NRG1: variants seen among roughly 807,000 people sequenced by gnomAD.
NRG1 encodes the protein pro-neuregulin-1, membrane-bound isoform.
Under a neutral mutation model 63.8 loss-of-function variants are expected in NRG1, and 18 were observed. That is an observed-to-expected ratio of 0.28 (90% CI 0.19 to 0.42). The LOEUF is 0.42. Ranked by LOEUF, NRG1 falls within the 10% of genes least tolerant of loss-of-function variation. NRG1 has a pLI of 1.00. For synonymous variants in NRG1, 302 were observed against 301.3 expected, an observed-to-expected ratio of 1.00 and a Z score of -0.02; for missense variants, 762 against 814.7, an observed-to-expected ratio of 0.94 and a Z score of 0.79.
At chr8:31,961,507 T>G (rs1490057049) in intron 1 of NRG1, among the ~76,000 whole-genome samples, 1 of 152,190 alleles carries the variant, frequency 6.6e-6, no homozygotes. Context: ...TTGTTAGAAT[T>G]TTTATAAAAG....
At chr8:31,835,211 G>A (rs758859205) in intron 1 of NRG1, among the ~76,000 whole-genome samples, 8 of 152,150 alleles carry the variant, frequency 5.3e-5, no homozygotes, top group East Asian at 1.9e-4. Context: ...AACAGGACTC[G>A]TTGCATAACT....
intron 1 of NRG1, among the ~76,000 whole-genome samples, chr8:32,185,467 C>T (rs1041413710): frequency 1.3e-5 from 2 of 152,060 alleles, no homozygotes; most frequent in Admixed American, 6.6e-5. Flanking sequence ...AGGGGCTAGA[C>T]CAAAGCTAAA....
rs1017791866 is a variant in NRG1, at chr8:32,742,385, A to G, written c.633-290A>G. Among the ~76,000 whole-genome samples the G allele has an allele frequency of 3.3e-5, 5 of 152,154 alleles. No homozygotes were observed. The highest frequency in any genetic ancestry group is 1.2e-4 in the African/African-American group (5 of 41,440). The stretch of plus-strand genomic sequence containing the variant: ...GCCATCATATGGAAAACTGAGATGA[A>G]TAAAACATCGGATTTCATTTTAAGG... On this transcript the variant is annotated intron_variant, in intron 6 of 11. Coordinates refer to ENST00000356819, the Ensembl canonical transcript of NRG1. This position sits in a 1 kb window ranked among gnomAD's most constrained non-coding sequence, Gnocchi z 4.2.
chr8:31,921,581 G>C (rs1833924238), intron 1 of NRG1, among the ~76,000 whole-genome samples: 1 of 152,052 alleles, frequency 6.6e-6, no homozygotes, highest in Admixed American at 6.6e-5. Context: ...CCTTCCCTCT[G>C]ACCTCTGTGT....
At chr8:32,327,328 A>G (rs1802134914) in intron 1 of NRG1, among the ~76,000 whole-genome samples, 1 of 152,240 alleles carries the variant, frequency 6.6e-6, no homozygotes, top group African/African-American at 2.4e-5. Flanking sequence ...TGACTTGCAT[A>G]ACTGAATATA....
Position 32,054,863 on chromosome 8 carries a change from C to CTTTTTTTTTTT in NRG1, c.37+415465_37+415475dup, listed in dbSNP as rs543522972. Reference sequence around the variant, plus strand: ...CCTTGAAAAGCAGATTTCTTTCTTTCTTTTTTTTTTTTTTTTTTTTTTTTT... The same window carrying CTTTTTTTTTTT: ...CCTTGAAAAGCAGATTTCTTTCTTTCTTTTTTTTTTTTTTTTTTTTTTTTTTTTTTTTTTTT... On this transcript the variant is annotated intron_variant, in intron 1 of 10. Transcript: ENST00000519301. 2.2e-4 allele frequency among the ~76,000 whole-genome samples: 14 copies of CTTTTTTTTTTT among 64,024 alleles called. 3 individuals carry two copies. The highest frequency in any genetic ancestry group is 7.3e-4 in the African/African-American group (12 of 16,422). The allele number at this position is 64,024 out of a possible 152,430, so 42.0% of individuals were successfully genotyped here. A position where few individuals can be genotyped will look rare whatever the true frequency, so the allele number is the denominator to read the frequency against.
At chr8:32,075,743 G>A (rs573360937) in intron 1 of NRG1, among the ~76,000 whole-genome samples, 1 of 140,506 alleles carries the variant, frequency 7.1e-6, no homozygotes, top group African/African-American at 2.7e-5. Flanking sequence ...TGCAATCTCA[G>A]CTCACTGCAA....
chr8:32,642,941 T>C (rs1852710793), intron 5 of NRG1, among the ~76,000 whole-genome samples: 1 of 152,186 alleles, frequency 6.6e-6, no homozygotes, highest in Non-Finnish European at 1.5e-5. Context: ...ATAAAGTAAA[T>C]AAAAGTAAAG....
intron 1 of NRG1, among the ~76,000 whole-genome samples, chr8:32,272,236 G>T (rs189382244): frequency 3.3e-5 from 5 of 152,244 alleles, no homozygotes; most frequent in Admixed American, 2.6e-4. Context: ...TTTCTTCTTG[G>T]CTTGCAGATG....
Position 32,760,414 on chromosome 8 carries a change from C to A in NRG1, c.1259+8C>A. 1 of 1,612,948 alleles carries A rather than the reference C, an allele frequency of 6.2e-7. No individual in the cohort carries two copies. Among genetic ancestry groups the A allele is most frequent in the South Asian group, 1.1e-5 (1 of 91,000 alleles). On this transcript the variant is annotated splice_region_variant and intron_variant, in intron 11 of 11. Coordinates refer to ENST00000356819, the Ensembl canonical transcript of NRG1. ...CTCTCCTCATAGTGAAAGGTAAAAC[C>A]GAAGGGCAAAGCTACTGCAGAGGAG...
chr8:32,328,855 C>T (rs1802310361), intron 1 of NRG1, among the ~76,000 whole-genome samples: 1 of 152,192 alleles, frequency 6.6e-6, no homozygotes, highest in Non-Finnish European at 1.5e-5. Flanking sequence ...AATTCACCAT[C>T]TGCTGGCTGA....
chr8:32,041,458 A>AAGAC (rs1820025007), intron 1 of NRG1, among the ~76,000 whole-genome samples: 1 of 152,202 alleles, frequency 6.6e-6, no homozygotes, highest in African/African-American at 2.4e-5. Context: ...CGGACTGAGA[A>AAGAC]AGACCAGACC....
intron 1 of NRG1, among the ~76,000 whole-genome samples, chr8:31,777,432 G>C (rs1044857702): frequency 6.6e-6 from 1 of 152,202 alleles, no homozygotes; most frequent in Non-Finnish European, 1.5e-5. Context: ...CACAGAGTTG[G>C]GCATGCGTGG....
rs1328668332 is a variant in NRG1, at chr8:32,319,365, C to T, written c.38-276463C>T. Among the ~76,000 whole-genome samples, 3 of 152,260 alleles carry T rather than the reference C, an allele frequency of 2.0e-5. No homozygotes were observed. The East Asian group carries it at 5.8e-4, about 29-fold the overall frequency. On this transcript the variant is annotated intron_variant, in intron 1 of 10. Transcript: ENST00000519301. Reference sequence around the variant, plus strand: ...CACCTTAAATTTGCCCAATAAGACTCAGCTTGGAAATCATTCTTGGGATGC... The same window carrying T: ...CACCTTAAATTTGCCCAATAAGACTTAGCTTGGAAATCATTCTTGGGATGC...
intron 1 of NRG1, among the ~76,000 whole-genome samples, chr8:31,969,262 G>A (rs1047566489): frequency 6.6e-6 from 1 of 152,090 alleles, no homozygotes; most frequent in Non-Finnish European, 1.5e-5. Flanking sequence ...TTGTTACGTT[G>A]CATGATAACC....
chr8:31,926,298 G>T (rs1357387206), intron 1 of NRG1, among the ~76,000 whole-genome samples: 2 of 151,868 alleles, frequency 1.3e-5, no homozygotes, highest in Non-Finnish European at 1.5e-5. Flanking sequence ...TTAAACTATG[G>T]AAAGCTCTGA....
intron 1 of NRG1, among the ~76,000 whole-genome samples, chr8:32,431,303 A>G (rs1283217738): frequency 6.6e-6 from 1 of 152,142 alleles, no homozygotes; most frequent in Non-Finnish European, 1.5e-5. Context: ...GGCAGTGCTT[A>G]CTCTAGCAAA....
intron 1 of NRG1, among the ~76,000 whole-genome samples, chr8:31,823,290 G>A (rs527987873): frequency 3.3e-5 from 5 of 152,124 alleles, no homozygotes; most frequent in African/African-American, 9.6e-5. Flanking sequence ...GCAGTTTACT[G>A]CTACTGCTAT....
intron 1 of NRG1, among the ~76,000 whole-genome samples, chr8:31,964,050 G>C (rs886351421): frequency 1.8e-4 from 28 of 152,106 alleles, no homozygotes; most frequent in African/African-American, 6.5e-4. Flanking sequence ...TAAATGTGAG[G>C]TAGATGACAC....
Sources: gnomAD v4.1 joint callset for allele counts (sites outside exome capture counted in the v4.1 genomes callset) on GRCh38, gnomAD v4.1.1 for gene constraint, Gnocchi (gnomAD v3.1) non-coding constraint, MANE v1.5 for transcripts, NCBI Gene and HGNC (gene_info 2026-07-23, HGNC 2026-07-21) for gene names.